The following TACC2 variants were observed in gnomAD, a reference collection of about 807,000 sequenced individuals.
TACC2 encodes the protein transforming acidic coiled-coil containing protein 2.
A neutral mutation model predicts 227.3 loss-of-function variants in TACC2; 137 were observed. The ratio of observed to expected loss-of-function variants is 0.60; its 90% CI spans 0.52 to 0.69. The LOEUF is 0.69. Among genes scored for constraint, TACC2 ranks in the 30% least tolerant of loss-of-function variants. TACC2 has a pLI of 0.00. For synonymous variants in TACC2, 1,523 were observed against 1,487.5 expected, an observed-to-expected ratio of 1.02 and a Z score of -0.55; for missense variants, 3,470 against 3,694.4, an observed-to-expected ratio of 0.94 and a Z score of 1.57.
intron 5 of TACC2, among the ~76,000 whole-genome samples, chr10:122,092,803 T>C (rs1430175481): frequency 1.3e-5 from 2 of 152,178 alleles, no homozygotes; most frequent in African/African-American, 4.8e-5. Context: ...TAGAATGAAA[T>C]GTACAGAGAG....
chr10:122,027,146 G>T (rs1271274620), intron 2 of TACC2, among the ~76,000 whole-genome samples: 2 of 152,084 alleles, frequency 1.3e-5, no homozygotes, highest in Non-Finnish European at 2.9e-5. Flanking sequence ...TGGATTTTGG[G>T]TCATTCTGAT....
intron 7 of TACC2, among the ~76,000 whole-genome samples, chr10:122,152,395 G>C (rs2092129563): frequency 6.6e-6 from 1 of 152,234 alleles, no homozygotes; most frequent in Non-Finnish European, 1.5e-5. Context: ...AAGTCTCCCA[G>C]GTCGGAGGAC....
intron 3 of TACC2, among the ~76,000 whole-genome samples, chr10:122,071,075 G>A (rs2078003995): frequency 1.3e-5 from 2 of 152,140 alleles, no homozygotes; most frequent in African/African-American, 2.4e-5. Context: ...ACTAGCAAGG[G>A]CTTAACTTAA....
intron 7 of TACC2, among the ~76,000 whole-genome samples, chr10:122,179,410 A>G (rs1376136575): frequency 2.0e-5 from 3 of 152,208 alleles, no homozygotes; most frequent in African/African-American, 7.2e-5. Context: ...AGAAAAAGCT[A>G]TTATCTTCCT....
chr10:122,213,031 G>A (rs1164198222), intron 9 of TACC2, among the ~76,000 whole-genome samples: 3 of 152,198 alleles, frequency 2.0e-5, no homozygotes, highest in East Asian at 3.8e-4. Flanking sequence ...TCACTTTCTT[G>A]TTTGAATATT....
intron 4 of TACC2, 123 bp from the exon 5 acceptor site, chr10:122,088,355 A>ATT (rs11442094): frequency 0.29 from 226,780 of 772,568 alleles, 12,836 homozygotes; most frequent in Non-Finnish European, 0.34. Context: ...TTTCCTAGGG[A>ATT]TTTTTTTTTT....
intron 5 of TACC2, among the ~76,000 whole-genome samples, chr10:122,118,741 T>A (rs2085187318): frequency 6.6e-6 from 1 of 152,202 alleles, no homozygotes. Flanking sequence ...GCCTCATCTA[T>A]ATAAGAATAC....
chr10:122,215,212 T>C (rs1425155140), intron 9 of TACC2, among the ~76,000 whole-genome samples, 179 bp from the exon 10 acceptor site: 1 of 152,124 alleles, frequency 6.6e-6, no homozygotes, highest in Non-Finnish European at 1.5e-5. Flanking sequence ...AAATAATAGC[T>C]GTTAAAAAGT....
Position 122,085,165 on chromosome 10 carries a change from A to C in TACC2, c.2665A>C (p.Thr889Pro). Residue 889 changes from threonine to proline, a missense_variant, in exon 4 of 23, where the codon ACT becomes CCT. Physicochemically the swap from Thr to Pro is conservative, Grantham distance 38. This residue lies in a region of TACC2 where 1,924 missense variants were observed against 1,978.3 expected (regional missense o/e 0.97). Coordinates refer to ENST00000369005, the MANE Select transcript of TACC2 (RefSeq NM_206862.4). ...VEPQEDNNLP[T>P]HGGQEQALGS... is the part of the protein sequence containing the mutation. ...ACCTCAGGAAGATAACAACTTGCCC[A>C]CTCATGGAGGACAGGAGCAGGCTTT... The C allele has an allele frequency of 6.2e-7, 1 of 1,614,128 alleles. No individual in the cohort carries two copies. The highest frequency in any genetic ancestry group is 8.5e-7 in the Non-Finnish European group (1 of 1,180,044).
chr10:122,164,117 C>A, intron 7 of TACC2: 1 of 1,200,180 alleles, frequency 8.3e-7, no homozygotes, highest in Non-Finnish European at 1.2e-6. Context: ...GGGTTCTTCG[C>A]AGCCTTGGAA....
At chr10:122,181,355 C>T (rs750224628) in intron 7 of TACC2, among the ~76,000 whole-genome samples, 5 of 152,216 alleles carry the variant, frequency 3.3e-5, no homozygotes, top group Non-Finnish European at 5.9e-5. Flanking sequence ...GGAGCATGGC[C>T]GTGCTTTATG....
At chr10:122,204,243 A>C (rs1405048306) in intron 8 of TACC2, among the ~76,000 whole-genome samples, 1 of 152,042 alleles carries the variant, frequency 6.6e-6, no homozygotes, top group Non-Finnish European at 1.5e-5. Flanking sequence ...CTTTTAAAGA[A>C]AGCACTTTTC....
chr10:122,041,093 G>A (rs908615555), intron 2 of TACC2, among the ~76,000 whole-genome samples: 1 of 152,222 alleles, frequency 6.6e-6, no homozygotes, highest in Non-Finnish European at 1.5e-5. Flanking sequence ...TATGCGAGCC[G>A]TCCCCAGGGT....
intron 5 of TACC2, among the ~76,000 whole-genome samples, chr10:122,119,637 G>A (rs111248229): frequency 0.012 from 1,857 of 152,302 alleles, 56 homozygotes; most frequent in African/African-American, 0.041. Flanking sequence ...CATCAGGCTG[G>A]GTATCGTGGC....
chr10:122,028,747 C>CCCCTCCCCTCCCCTCCT (rs1565106851), intron 2 of TACC2, among the ~76,000 whole-genome samples: 44 of 120,012 alleles, frequency 3.7e-4, no homozygotes, highest in African/African-American at 1.2e-3. Flanking sequence ...CCTCCCCTCT[C>CCCCTCCCCTCCCCTCCT]CTCCCTTCCC....
chr10:122,230,298 G>A (rs376626619), intron 15 of TACC2, 53 bp from the exon 16 acceptor site: 2 of 1,454,858 alleles, frequency 1.4e-6, no homozygotes, highest in African/African-American at 1.4e-5. Context: ...GGAAACCATT[G>A]ACGTCTGTCT....
intron 3 of TACC2, among the ~76,000 whole-genome samples, chr10:122,064,297 A>G (rs1374997792): frequency 6.6e-6 from 1 of 152,196 alleles, no homozygotes; most frequent in Non-Finnish European, 1.5e-5. Context: ...AAGAGTTCCC[A>G]TGCACACTTC....
In TACC2 at chr10:122,155,203, C is replaced by T. The variant is rs1020495102; in HGVS notation, c.5834+11497C>T. Among the ~76,000 whole-genome samples, 8 of 149,932 alleles carry T rather than the reference C, an allele frequency of 5.3e-5. No homozygotes were observed. In the East Asian group the frequency reaches 9.6e-4, roughly 18 times the overall value. ...AGGGGAGCCCCTCCCACCACAGAGG[C>T]GCAGATCCGCCCTTCTCAACCTGCC... is the stretch of plus-strand genomic sequence containing the variant. On this transcript the variant is annotated intron_variant, in intron 7 of 22. Transcript: ENST00000369005.
intron 7 of TACC2, among the ~76,000 whole-genome samples, chr10:122,191,339 A>T (rs1024330622): frequency 1.3e-5 from 2 of 152,180 alleles, no homozygotes; most frequent in African/African-American, 4.8e-5. Context: ...CCTGTGCCCG[A>T]CACATAACAG....
Sources: gnomAD v4.1 joint callset for allele counts (sites outside exome capture counted in the v4.1 genomes callset) on GRCh38, gnomAD v4.1.1 for gene constraint, gnomAD v4.1.1 regional missense constraint, MANE v1.5 for transcripts, NCBI Gene and HGNC (gene_info 2026-07-23, HGNC 2026-07-21) for gene names.